The following GYPB variants were observed in gnomAD, a reference collection of about 807,000 sequenced individuals.
The protein encoded by GYPB is glycophorin B (MNS blood group).
In GYPB, 13 loss-of-function variants were observed where a neutral mutation model predicts 15.3. The ratio of observed to expected loss-of-function variants is 0.85; its 90% CI spans 0.55 to 1.35. The LOEUF is 1.35. Ranked by LOEUF, GYPB falls within the 40% of genes most tolerant of loss-of-function variation. The probability of loss-of-function intolerance (pLI) is 0.00; values close to 1 mark genes in which losing one functional copy is unlikely to be tolerated. For synonymous variants in GYPB, 38 were observed against 36.9 expected (o/e 1.03, Z -0.11); for missense variants, 131 against 108.3 (o/e 1.21, Z -0.93).
Position 143,996,104 on chromosome 4 carries a change from A to G in GYPB, c.*195T>C, listed in dbSNP as rs2149953350. On this transcript the variant is annotated 3_prime_UTR_variant, in exon 5 of 5. Coordinates refer to ENST00000502664, the MANE Select transcript of GYPB (RefSeq NM_002100.6). ...ACAAATCATGACTATAATACATGAA[A>G]ACGGTTTGTATTTTGTTTTATTTTT... 2 of 1,384,864 alleles carry G rather than the reference A, an allele frequency of 1.4e-6. No homozygotes were observed. The highest frequency in any genetic ancestry group is 1.9e-6 in the Non-Finnish European group (2 of 1,043,806). 85.8% of individuals were successfully genotyped at this position (1,384,864 alleles called of 1,614,324 possible).
intron 1 of GYPB, among the ~76,000 whole-genome samples, chr4:144,016,383 CCCT>C (rs752686848): frequency 1.1e-3 from 165 of 149,716 alleles, no homozygotes; most frequent in Non-Finnish European, 2.0e-3. Flanking sequence ...CTCTCTCTCT[CCCT>C]CCTCTCTTCT....
chr4:143,997,472 A>C (rs1262288051), intron 4 of GYPB, 68 bp downstream of exon 4: 1 of 861,586 alleles, frequency 1.2e-6, no homozygotes, highest in East Asian at 2.5e-5. Context: ...AACTGAACTC[A>C]GAGGAATAAA....
Position 144,008,132 on chromosome 4 carries a change from C to T in GYPB, c.38-6849G>A, listed in dbSNP as rs1042535121. On this transcript the variant is annotated intron_variant, in intron 1 of 4. Coordinates refer to ENST00000502664, the MANE Select transcript of GYPB (RefSeq NM_002100.6). ...TTCTTTGTGGAGGAGGAAAAGAAAA[C>T]ATCAGAAACATTGCCTGACTTGCTT... Among the ~76,000 whole-genome samples the T allele has an allele frequency of 1.9e-4, 29 of 151,540 alleles. 3 individuals are homozygous for T. Among genetic ancestry groups the T allele is most frequent in the African/African-American group, 6.9e-4 (28 of 40,810 alleles).
rs528152087 is a variant in GYPB, at chr4:143,999,505, A to G, written c.137-56T>C. On this transcript the variant is annotated intron_variant, in intron 2 of 4. Coordinates refer to ENST00000502664, the MANE Select transcript of GYPB (RefSeq NM_002100.6). ...ATAAGAAAGACATGTGCAAAGAAAAAAATCATTTTGGAATCAAACTGTTCT... is the reference window on the plus strand; with the variant it reads ...ATAAGAAAGACATGTGCAAAGAAAAGAATCATTTTGGAATCAAACTGTTCT... The G allele has an allele frequency of 1.8e-4, 174 of 944,342 alleles. No individual in the cohort carries two copies. In the East Asian group the frequency reaches 4.1e-3, roughly 23 times the overall value. 58.5% of individuals were successfully genotyped at this position (944,342 alleles called of 1,614,324 possible). A position where few individuals can be genotyped will look rare whatever the true frequency, so the allele number is the denominator to read the frequency against.
intron 4 of GYPB, among the ~76,000 whole-genome samples, 191 bp from the exon 5 acceptor site, chr4:143,996,495 G>C (rs1291511846): frequency 1.3e-5 from 2 of 151,238 alleles, no homozygotes; most frequent in Non-Finnish European, 2.9e-5. Context: ...GCCGGGCGCA[G>C]TGGCTCACAC....
At chr4:144,014,082 TTAAAAAAA>T (rs1307805579) in intron 1 of GYPB, among the ~76,000 whole-genome samples, 4 of 151,516 alleles carry the variant, frequency 2.6e-5, no homozygotes, top group Admixed American at 2.6e-4. Flanking sequence ...ATGGCTATAA[TTAAAAAAA>T]TGAAAAAGTA....
intron 1 of GYPB, among the ~76,000 whole-genome samples, chr4:144,006,523 A>C (rs1181569301): frequency 2.0e-5 from 3 of 151,990 alleles, no homozygotes; most frequent in African/African-American, 7.3e-5. Flanking sequence ...GAATGCTATT[A>C]GAAACAATAA....
At chr4:144,005,207 C>G (rs1349177637) in intron 1 of GYPB, among the ~76,000 whole-genome samples, 1 of 151,958 alleles carries the variant, frequency 6.6e-6, no homozygotes, top group Non-Finnish European at 1.5e-5. Flanking sequence ...GACATTTGGT[C>G]TCATAAAAAT....
chr4:143,997,602 C>T lies in GYPB; in HGVS notation c.208G>A (p.Val70Met). ...PVVIILIILC[V>M]MAGIIGTILL... ...ATCGTTCCAATAATACCAGCCATCA[C>T]ACACAAAATAATGAGTATTATCACT... The change falls in exon 4 of 5, where the codon GTG becomes ATG. Residue 70 changes from valine to methionine, a missense_variant. Transcript: ENST00000502664. 1 of 1,595,348 alleles carries T rather than the reference C, an allele frequency of 6.3e-7. No individual in the cohort carries two copies. Among genetic ancestry groups the T allele is most frequent in the East Asian group, 2.2e-5 (1 of 44,662 alleles).
chr4:144,012,382 C>T (rs1228008152), intron 1 of GYPB: 1 of 151,414 alleles, frequency 6.6e-6, no homozygotes, highest in Non-Finnish European at 1.5e-5. Context: ...ATTTTTGTTC[C>T]ATCATTATAC....
At chr4:143,997,467 A>G (rs1727381313) in intron 4 of GYPB, 73 bp downstream of exon 4, 1 of 827,968 alleles carries the variant, frequency 1.2e-6, no homozygotes, top group Non-Finnish European at 2.1e-6. Flanking sequence ...AGTTTAACTG[A>G]ACTCAGAGGA....
chr4:144,012,918 T>A (rs1728291201), intron 1 of GYPB, among the ~76,000 whole-genome samples: 1 of 151,618 alleles, frequency 6.6e-6, no homozygotes, highest in Non-Finnish European at 1.5e-5. Flanking sequence ...AGATATGATA[T>A]CAAAAGCGTA....
intron 1 of GYPB, among the ~76,000 whole-genome samples, chr4:144,011,684 T>A (rs1228929782): frequency 1.3e-5 from 2 of 151,294 alleles, no homozygotes; most frequent in African/African-American, 4.9e-5. Flanking sequence ...CTGAAATATA[T>A]CTGCTTGCAA....
In GYPB at chr4:144,019,313, A is replaced by C; in HGVS notation, c.-26T>G. The C allele has an allele frequency of 6.2e-7, 1 of 1,611,846 alleles. No homozygotes were observed. On this transcript the variant is annotated 5_prime_UTR_variant, in exon 1 of 5. Transcript: ENST00000502664. The stretch of plus-strand genomic sequence containing the variant: ...CCTGAGATCATGAGCTGGTTCCTGA[A>C]GTTAGTGCAAAAAAACTACCAAAGA...
intron 1 of GYPB, among the ~76,000 whole-genome samples, chr4:144,013,092 A>C: frequency 6.6e-6 from 1 of 151,706 alleles, no homozygotes; most frequent in Admixed American, 6.5e-5. Context: ...AACTCTTACA[A>C]CTTAGCAACA....
In GYPB at chr4:144,009,781, T is replaced by A. The variant is rs184806334; in HGVS notation, c.38-8498A>T. ...GGCACCCGCCACCAAGCCCGGCTAA[T>A]TTTTTGTATTTTTAGTAGAGATGGG... On this transcript the variant is annotated intron_variant, in intron 1 of 4. Transcript: ENST00000502664. 4.7e-3 allele frequency among the ~76,000 whole-genome samples: 712 copies of A among 150,066 alleles called. 35 individuals are homozygous for A. Among genetic ancestry groups the A allele is most frequent in the African/African-American group, 0.017 (678 of 39,814 alleles).
chr4:144,010,470 A>G (rs1728158771), intron 1 of GYPB, among the ~76,000 whole-genome samples: 1 of 150,840 alleles, frequency 6.6e-6, no homozygotes, highest in African/African-American at 2.5e-5. Flanking sequence ...TCTTGTCTCT[A>G]AAAAAAATTA....
intron 1 of GYPB, among the ~76,000 whole-genome samples, chr4:144,016,339 T>C (rs1390381404): frequency 3.3e-5 from 5 of 149,890 alleles, no homozygotes; most frequent in Non-Finnish European, 7.4e-5. Context: ...TCCTGTCTCT[T>C]CCCTTCCCTT....
chr4:144,017,606 T>C (rs1265109108), intron 1 of GYPB, among the ~76,000 whole-genome samples: 1 of 150,990 alleles, frequency 6.6e-6, no homozygotes, highest in Non-Finnish European at 1.5e-5. Flanking sequence ...CTTGTGTAGT[T>C]GTAGAAATTT....
Sources: gnomAD v4.1 joint callset for allele counts (sites outside exome capture counted in the v4.1 genomes callset) on GRCh38, gnomAD v4.1.1 for gene constraint, MANE v1.5 for transcripts, NCBI Gene and HGNC (gene_info 2026-07-23, HGNC 2026-07-21) for gene names.